NRXN3: variants seen among roughly 807,000 people sequenced by gnomAD.
NRXN3 encodes the protein neurexin III.
NRXN3 carries 32 observed loss-of-function variants against 137.6 expected under a neutral mutation model. The ratio of observed to expected loss-of-function variants is 0.23; its 90% CI spans 0.18 to 0.31. The LOEUF (loss-of-function observed/expected upper bound fraction) is 0.31, where lower values mean the gene tolerates loss of function less well. Ranked by LOEUF, NRXN3 falls within the 10% of genes least tolerant of loss-of-function variation. The pLI, the probability that NRXN3 is intolerant of heterozygous loss-of-function variation, is 1.00. For synonymous variants in NRXN3, 798 were observed against 784.5 expected, an observed-to-expected ratio of 1.02 and a Z score of -0.29; for missense variants, 1,574 against 2,062.5, an observed-to-expected ratio of 0.76 and a Z score of 4.59.
chr14:78,408,984 C>G (rs1401104625), intron 4 of NRXN3, among the ~76,000 whole-genome samples: 2 of 152,216 alleles, frequency 1.3e-5, no homozygotes, highest in Non-Finnish European at 2.9e-5. Context: ...TGTCCTACTT[C>G]AGGACTTGAA....
At chr14:79,298,818 G>A (rs1305996660) in intron 15 of NRXN3, 1 of 152,234 alleles carries the variant, frequency 6.6e-6, no homozygotes, top group African/African-American at 2.4e-5. Context: ...ATTTCCTTGA[G>A]GAGGTGCTAC....
intron 4 of NRXN3, among the ~76,000 whole-genome samples, chr14:78,506,983 G>A (rs1364517150): frequency 6.6e-6 from 1 of 151,996 alleles, no homozygotes; most frequent in Non-Finnish European, 1.5e-5. Flanking sequence ...TTGTTATTGA[G>A]TTGTAGGCAT....
At chr14:78,664,724 C>T (rs1175394286) in intron 6 of NRXN3, among the ~76,000 whole-genome samples, 2 of 152,234 alleles carry the variant, frequency 1.3e-5, no homozygotes, top group African/African-American at 2.4e-5. Context: ...TTATAGTCCT[C>T]ATCACATTGC....
chr14:79,865,412 A>T lies in NRXN3; in HGVS notation c.*3448A>T, dbSNP rs1181363840. The T allele has an allele frequency of 6.6e-6, 1 of 152,176 alleles. No homozygotes were observed. Among genetic ancestry groups the T allele is most frequent in the Non-Finnish European group, 1.5e-5 (1 of 68,032 alleles). The allele number at this position is 152,176 out of a possible 1,614,324, so 9.4% of individuals were successfully genotyped here. A position where few individuals can be genotyped will look rare whatever the true frequency, so the allele number is the denominator to read the frequency against. On this transcript the variant is annotated 3_prime_UTR_variant, in exon 21 of 21. Transcript: ENST00000335750. Reference sequence around the variant, plus strand: ...TCTTCACTGTAATCTAGAAATATAGATTTAACTGAACAGCTGTCCTTTATC... The same window carrying T: ...TCTTCACTGTAATCTAGAAATATAGTTTTAACTGAACAGCTGTCCTTTATC...
intron 15 of NRXN3, among the ~76,000 whole-genome samples, chr14:79,178,956 T>C (rs904673034): frequency 2.0e-5 from 3 of 152,208 alleles, no homozygotes; most frequent in Admixed American, 1.3e-4. Context: ...ACCCTTCCAA[T>C]ACAAGTCTTC....
At chr14:79,019,725 G>A (rs577974575) in intron 15 of NRXN3, among the ~76,000 whole-genome samples, 1 of 152,292 alleles carries the variant, frequency 6.6e-6, no homozygotes, top group Non-Finnish European at 1.5e-5. Context: ...AGTTTCAAAT[G>A]CAGTTGAGAG....
intron 15 of NRXN3, among the ~76,000 whole-genome samples, chr14:79,308,968 AT>A (rs1375322653): frequency 7.5e-6 from 1 of 133,044 alleles, no homozygotes; most frequent in Non-Finnish European, 1.6e-5. Context: ...TTTAGGGTAC[AT>A]GTGCACATTG....
At chr14:79,130,971 C>T (rs1388960581) in intron 15 of NRXN3, among the ~76,000 whole-genome samples, 4 of 152,194 alleles carry the variant, frequency 2.6e-5, no homozygotes, top group Non-Finnish European at 5.9e-5. Flanking sequence ...TTGATCGCAT[C>T]GGCTCCTGAG....
intron 15 of NRXN3, among the ~76,000 whole-genome samples, chr14:79,328,963 A>T (rs2091296540): frequency 6.6e-6 from 1 of 152,046 alleles, no homozygotes; most frequent in South Asian, 2.1e-4. Flanking sequence ...TCCTTCTTTG[A>T]CATAATTTTC....
chr14:78,420,918 C>A (rs1054167261), intron 4 of NRXN3, among the ~76,000 whole-genome samples: 2 of 152,126 alleles, frequency 1.3e-5, no homozygotes, highest in Non-Finnish European at 2.9e-5. Context: ...GGGGCAAAGG[C>A]TCAATGTAGG....
intron 6 of NRXN3, among the ~76,000 whole-genome samples, chr14:78,702,262 A>C (rs1444732218): frequency 6.6e-6 from 1 of 150,482 alleles, no homozygotes; most frequent in Non-Finnish European, 1.5e-5. Context: ...TTTATAAATA[A>C]GTATATGTAA....
At chr14:79,168,854 G>T (rs756055397) in intron 15 of NRXN3, among the ~76,000 whole-genome samples, 7 of 152,060 alleles carry the variant, frequency 4.6e-5, no homozygotes, top group African/African-American at 1.7e-4. Context: ...ATAGTATGTG[G>T]TATCGTTTCC....
intron 4 of NRXN3, among the ~76,000 whole-genome samples, chr14:78,486,517 G>C (rs1010573470): frequency 1.3e-5 from 2 of 152,144 alleles, no homozygotes; most frequent in African/African-American, 4.8e-5. Context: ...TGGCAGAGGA[G>C]AGTCCGTGTA....
chr14:79,214,496 A>G (rs1028995974), intron 15 of NRXN3, among the ~76,000 whole-genome samples: 3 of 152,226 alleles, frequency 2.0e-5, no homozygotes, highest in South Asian at 2.1e-4. Flanking sequence ...CAAAGAAATG[A>G]TAAATATTTG....
intron 16 of NRXN3, among the ~76,000 whole-genome samples, chr14:79,563,617 A>C (rs2097522456): frequency 6.6e-6 from 1 of 151,592 alleles, no homozygotes; most frequent in Non-Finnish European, 1.5e-5. Context: ...TGGTCTCGTT[A>C]AATAAATTCC....
In NRXN3 at chr14:79,697,795, G is replaced by A. The variant is rs372910622; in HGVS notation, c.3872G>A (p.Arg1291Gln). ...AATATTAAAATCAATGGAAGTGTTC[G>A]GCTGGTTGGAGAAGTCCCATCAATT... ...NPNIKINGSV[R>Q]LVGEVPSILG... is the part of the protein sequence containing the mutation. Residue 1291 changes from arginine to glutamine, a missense_variant, in exon 19 of 21, where the codon CGG becomes CAG. By Grantham distance (43) the Arg-to-Gln change is conservative (BLOSUM62 1). Around this residue, in one of 5 missense-constraint regions of NRXN3, gnomAD observed 320 missense variants for 387.1 expected, o/e 0.83. Transcript: ENST00000335750. The A allele has an allele frequency of 9.3e-6, 15 of 1,613,106 alleles. 1 individual carries two copies. Among genetic ancestry groups the A allele is most frequent in the East Asian group, 8.9e-5 (4 of 44,812 alleles).
chr14:78,294,898 C>T (rs10220329), intron 3 of NRXN3, among the ~76,000 whole-genome samples: 75,625 of 151,988 alleles, frequency 0.5, 19,235 homozygotes, highest in East Asian at 0.68. Flanking sequence ...CCCACACTTA[C>T]TTGTATCCCC....
intron 15 of NRXN3, among the ~76,000 whole-genome samples, chr14:79,179,379 G>C (rs902802783): frequency 6.6e-6 from 1 of 152,146 alleles, no homozygotes; most frequent in Admixed American, 6.5e-5. Context: ...CACACAGTTT[G>C]AGCTGTATTG....
At chr14:79,424,460 A>G (rs374833306) in intron 15 of NRXN3, among the ~76,000 whole-genome samples, 1 of 152,204 alleles carries the variant, frequency 6.6e-6, no homozygotes, top group African/African-American at 2.4e-5. Flanking sequence ...AGCATCTACT[A>G]TGTGTTAGGT....
Sources: allele counts gnomAD v4.1 joint callset (sites outside exome capture counted in the v4.1 genomes callset), GRCh38; gene constraint gnomAD v4.1.1; regional missense constraint gnomAD v4.1.1; transcripts MANE v1.5; gene names NCBI Gene and HGNC (gene_info 2026-07-23, HGNC 2026-07-21).